RAD50: variants seen among roughly 807,000 people sequenced by gnomAD.
RAD50 encodes RAD50 double strand break repair protein.
In RAD50, 132 loss-of-function variants were observed where a neutral mutation model predicts 168.8. That is an observed-to-expected ratio of 0.78 (90% CI 0.68 to 0.90). The LOEUF is 0.90. Ranked by LOEUF, RAD50 falls within the 40% of genes least tolerant of loss-of-function variation. The probability of loss-of-function intolerance (pLI) is 0.00; values close to 1 mark genes in which losing one functional copy is unlikely to be tolerated. For synonymous variants in RAD50, 525 were observed against 497.4 expected (o/e 1.06, Z -0.74); for missense variants, 1,347 against 1,534.4 (o/e 0.88, Z 2.04).
chr5:132,616,270 A>G lies in RAD50; in HGVS notation c.3164+140A>G, dbSNP rs74426446. 5,901 of 800,630 alleles carry G rather than the reference A, an allele frequency of 7.4e-3. 286 individuals are homozygous for G. The African/African-American group carries it at 0.094, about 13-fold the overall frequency. The allele number at this position is 800,630 out of a possible 1,614,324, so 49.6% of individuals were successfully genotyped here. On this transcript the variant is annotated intron_variant, in intron 20 of 24. Transcript: ENST00000378823. ...TTACTAGAAGGTGAACAGTGTTTTG[A>G]TACAATTATATTTCATGGCCTTAAG...
At chr5:132,629,429 C>A (rs904993100) in intron 21 of RAD50, among the ~76,000 whole-genome samples, 15 of 152,092 alleles carry the variant, frequency 9.9e-5, no homozygotes, top group African/African-American at 3.6e-4. Context: ...TATGAGGGAG[C>A]TTGGTGGAGC....
chr5:132,598,746 G>T (rs1423984592), intron 13 of RAD50, among the ~76,000 whole-genome samples: 1 of 152,244 alleles, frequency 6.6e-6, no homozygotes, highest in African/African-American at 2.4e-5. Flanking sequence ...TGGCAGCACA[G>T]TGACTGGGTT....
chr5:132,567,199 G>C (rs1381444716), intron 2 of RAD50, among the ~76,000 whole-genome samples: 2 of 151,512 alleles, frequency 1.3e-5, no homozygotes, highest in Non-Finnish European at 2.9e-5. Flanking sequence ...TTTTAAAGCA[G>C]AATCCAGTAC....
intron 21 of RAD50, among the ~76,000 whole-genome samples, chr5:132,620,237 C>T (rs1046229362): frequency 6.6e-6 from 1 of 152,106 alleles, no homozygotes; most frequent in Non-Finnish European, 1.5e-5. Context: ...TTAAATTTTG[C>T]CTTTCACATG....
Position 132,580,020 on chromosome 5 carries a change from C to T in RAD50, c.710C>T (p.Ser237Leu), listed in dbSNP as rs768070702. The change falls in exon 5 of 25, where the codon TCA (serine) becomes TTA (leucine). Residue 237 changes from serine (S) to leucine (L), a missense_variant. By Grantham distance (145) the Ser-to-Leu change is moderately radical. This residue lies in a region of RAD50 where 703 missense variants were observed against 767.7 expected (regional missense o/e 0.92). Coordinates refer to ENST00000378823, the MANE Select transcript of RAD50 (RefSeq NM_005732.4). ...AGTAAGGAAGCCCAGTTAACATCTT[C>T]AAAGGAAATTGTCAAATCCTATGAG... Reference protein sequence around the residue: ...ITSKEAQLTSSKEIVKSYENE... With the variant: ...ITSKEAQLTSLKEIVKSYENE... The T allele has an allele frequency of 6.2e-7, 1 of 1,613,488 alleles. No homozygotes were observed. The highest frequency in any genetic ancestry group is 1.7e-5 in the Admixed American group (1 of 60,018).
At position 132,646,078 on chromosome 5, in the gene RAD50, C is replaced by T; in HGVS notation, c.*3714C>T. Reference sequence around the variant, plus strand: ...GCCTGGGTGGGTGGCAGAGTGAGACCCTGTCTAAAAAGACAAAAAAAAAAA... The same window carrying T: ...GCCTGGGTGGGTGGCAGAGTGAGACTCTGTCTAAAAAGACAAAAAAAAAAA... On this transcript the variant is annotated 3_prime_UTR_variant, in exon 25 of 25. Transcript: ENST00000378823. 1 of 118,036 alleles carries T rather than the reference C, an allele frequency of 8.5e-6. No homozygotes were observed. The highest frequency in any genetic ancestry group is 1.6e-5 in the Non-Finnish European group (1 of 60,638). 7.3% of individuals were successfully genotyped at this position (118,036 alleles called of 1,614,324 possible). A position where few individuals can be genotyped will look rare whatever the true frequency, so the allele number is the denominator to read the frequency against.
At chr5:132,592,891 T>C (rs775258495) in intron 11 of RAD50, 1 of 470,978 alleles carries the variant, frequency 2.1e-6, no homozygotes. Flanking sequence ...AGCAGTGATT[T>C]TGGGCATCCA....
chr5:132,557,226 G>C lies in RAD50; in HGVS notation c.-99G>C, dbSNP rs111799791. The C allele has an allele frequency of 4.6e-6, 7 of 1,510,258 alleles. No homozygotes were observed. Among genetic ancestry groups the C allele is most frequent in the African/African-American group, 1.4e-5 (1 of 72,960 alleles). 93.6% of individuals were successfully genotyped at this position (1,510,258 alleles called of 1,614,324 possible). ...TCCCCGCCCGGATCCTCCTGACCCT[G>C]AGATTCGCGGGTCTCACGTCCCGTG... On this transcript the variant is annotated 5_prime_UTR_variant, in exon 1 of 25. Coordinates refer to ENST00000378823, the MANE Select transcript of RAD50 (RefSeq NM_005732.4).
intron 23 of RAD50, among the ~76,000 whole-genome samples, chr5:132,639,348 C>G (rs758998513): frequency 7.4e-6 from 1 of 134,576 alleles, no homozygotes; most frequent in African/African-American, 2.9e-5. Context: ...AGCGAAACTC[C>G]GTCTCAAAAA....
chr5:132,616,251 G>T, intron 20 of RAD50, 121 bp downstream of exon 20: 1 of 941,892 alleles, frequency 1.1e-6, no homozygotes, highest in South Asian at 1.5e-5. Flanking sequence ...AGAGTTACTA[G>T]AAGGTGAACA....
Position 132,629,174 on chromosome 5 carries a change from T to A in RAD50, c.3390-7941T>A, listed in dbSNP as rs145101219. On this transcript the variant is annotated intron_variant, in intron 21 of 24. Coordinates refer to ENST00000378823, the MANE Select transcript of RAD50 (RefSeq NM_005732.4). ...TAAGAATTCCCTTCACTTCCAAGAT[T>A]AGGCTATAAGAGAAAAAATAAAAAA... 6.3e-3 allele frequency among the ~76,000 whole-genome samples: 955 copies of A among 152,238 alleles called. 8 individuals carry two copies. Among genetic ancestry groups the A allele is most frequent in the South Asian group, 0.027 (128 of 4,822 alleles).
intron 6 of RAD50, 53 bp from the exon 7 acceptor site, chr5:132,587,871 A>T: frequency 1.3e-6 from 2 of 1,579,660 alleles, no homozygotes; most frequent in Non-Finnish European, 1.7e-6. Flanking sequence ...CCTCAAAGTG[A>T]TCATATTTTC....
intron 9 of RAD50, 126 bp from the exon 10 acceptor site, chr5:132,591,098 T>G: frequency 1.0e-6 from 1 of 967,786 alleles, no homozygotes; most frequent in Non-Finnish European, 1.6e-6. Flanking sequence ...TTTTTTCTCT[T>G]GTTGGATGCA....
At chr5:132,624,965 G>A (rs937580112) in intron 21 of RAD50, among the ~76,000 whole-genome samples, 3 of 150,302 alleles carry the variant, frequency 2.0e-5, no homozygotes, top group African/African-American at 7.4e-5. Flanking sequence ...TTAAAAGCAA[G>A]ACATTGGACT....
At chr5:132,589,901 A>G (rs1750668721) in intron 9 of RAD50, 64 bp downstream of exon 9, 2 of 1,408,694 alleles carry the variant, frequency 1.4e-6, no homozygotes, top group South Asian at 1.3e-5. Context: ...TATTTTGTCT[A>G]TTTTTGATCC....
chr5:132,620,456 C>T (rs1459510994), intron 21 of RAD50, among the ~76,000 whole-genome samples: 1 of 152,192 alleles, frequency 6.6e-6, no homozygotes, highest in East Asian at 1.9e-4. Flanking sequence ...CCATTTCTCT[C>T]ACCATCTTAA....
At chr5:132,600,156 A>G (rs1053911128) in intron 13 of RAD50, 4 of 152,384 alleles carry the variant, frequency 2.6e-5, no homozygotes, top group African/African-American at 9.6e-5. Flanking sequence ...AGCAGTAAAC[A>G]AAATGGACAA....
chr5:132,571,093 T>C (rs931551030), intron 2 of RAD50, among the ~76,000 whole-genome samples: 1 of 152,276 alleles, frequency 6.6e-6, no homozygotes. Flanking sequence ...TCACCTCTTA[T>C]ATGTGGATGG....
At chr5:132,624,745 C>A (rs1426520455) in intron 21 of RAD50, among the ~76,000 whole-genome samples, 3 of 151,646 alleles carry the variant, frequency 2.0e-5, no homozygotes, top group African/African-American at 7.3e-5. Flanking sequence ...CAAAAAAATA[C>A]AAAAATTATC....
Sources: gnomAD v4.1 joint callset for allele counts (sites outside exome capture counted in the v4.1 genomes callset) on GRCh38, gnomAD v4.1.1 for gene constraint, gnomAD v4.1.1 regional missense constraint, MANE v1.5 for transcripts, NCBI Gene and HGNC (gene_info 2026-07-23, HGNC 2026-07-21) for gene names.